Variants in TAFA1 observed in about 807,000 individuals in gnomAD.
The protein encoded by TAFA1 is TAFA chemokine like family member 1, also known as chemokine-like protein TAFA-1.
A neutral mutation model predicts 18.5 loss-of-function variants in TAFA1; 4 were observed. The ratio of observed to expected loss-of-function variants is 0.22; its 90% CI spans 0.11 to 0.49. TAFA1 has a LOEUF of 0.49. Among genes scored for constraint, TAFA1 ranks in the 20% least tolerant of loss-of-function variants. The pLI is 0.98. For synonymous variants in TAFA1, 56 were observed against 55.2 expected (o/e 1.01, Z -0.06); for missense variants, 147 against 169.0 (o/e 0.87, Z 0.72).
intron 3 of TAFA1, among the ~76,000 whole-genome samples, chr3:68,451,258 T>A (rs1465285116): frequency 6.6e-6 from 1 of 152,216 alleles, no homozygotes; most frequent in African/African-American, 2.4e-5. Flanking sequence ...CCTAGACAGT[T>A]CTTTTTGCCA....
intron 2 of TAFA1, among the ~76,000 whole-genome samples, chr3:68,112,890 A>G (rs1463536026): frequency 6.6e-6 from 1 of 151,926 alleles, no homozygotes; most frequent in Non-Finnish European, 1.5e-5. Flanking sequence ...AAAATGACAA[A>G]ACATTATTTA....
intron 3 of TAFA1, among the ~76,000 whole-genome samples, chr3:68,511,148 G>A (rs139181452): frequency 1.3e-5 from 2 of 152,184 alleles, no homozygotes; most frequent in East Asian, 3.9e-4. Context: ...TTTTGCAATC[G>A]TACTTTATTT....
At chr3:68,251,469 C>A (rs1218408276) in intron 2 of TAFA1, among the ~76,000 whole-genome samples, 2 of 152,058 alleles carry the variant, frequency 1.3e-5, no homozygotes, top group African/African-American at 4.8e-5. Flanking sequence ...CTAGACCAGG[C>A]AACAGCCTAG....
chr3:68,335,129 AC>A (rs1214904631), intron 2 of TAFA1, among the ~76,000 whole-genome samples: 1 of 152,196 alleles, frequency 6.6e-6, no homozygotes, highest in Non-Finnish European at 1.5e-5. Flanking sequence ...GGCTTTTGTT[AC>A]ATGCCTTTTA....
chr3:68,296,038 G>T (rs1255503314), intron 2 of TAFA1, among the ~76,000 whole-genome samples: 2 of 152,144 alleles, frequency 1.3e-5, no homozygotes, highest in Non-Finnish European at 2.9e-5. Flanking sequence ...AACAGATAAA[G>T]TTAATCTTCT....
At chr3:68,075,494 C>T (rs2064811460) in intron 2 of TAFA1, among the ~76,000 whole-genome samples, 1 of 152,150 alleles carries the variant, frequency 6.6e-6, no homozygotes, top group Admixed American at 6.6e-5. Flanking sequence ...TTTTAAACCC[C>T]AATGACTTTA....
intron 2 of TAFA1, among the ~76,000 whole-genome samples, chr3:68,098,255 CTG>C (rs2065110217): frequency 6.8e-6 from 1 of 147,900 alleles, no homozygotes; most frequent in Admixed American, 6.7e-5. Context: ...TAAGGTGTGA[CTG>C]TTTTTTTTTA....
chr3:68,255,673 AT>A (rs1012201453), intron 2 of TAFA1, among the ~76,000 whole-genome samples: 2 of 151,980 alleles, frequency 1.3e-5, no homozygotes, highest in African/African-American at 4.8e-5. Context: ...GTTTTTTTTA[AT>A]TTATTTGTTT....
At chr3:68,303,639 C>A (rs377218379) in intron 2 of TAFA1, among the ~76,000 whole-genome samples, 51 of 151,992 alleles carry the variant, frequency 3.4e-4, no homozygotes. Context: ...TTAGTAGAGA[C>A]GGGGTTTCAC....
At chr3:68,431,562 G>C (rs1043863915) in intron 3 of TAFA1, among the ~76,000 whole-genome samples, 2 of 151,978 alleles carry the variant, frequency 1.3e-5, no homozygotes, top group African/African-American at 4.8e-5. Flanking sequence ...ATAGCTACCA[G>C]GTTGGAGAGT....
chr3:68,104,175 A>C (rs368902883), intron 2 of TAFA1, among the ~76,000 whole-genome samples: 4 of 152,264 alleles, frequency 2.6e-5, no homozygotes, highest in African/African-American at 9.6e-5. Context: ...CTGGTCATTA[A>C]GAGGCAGAGG....
intron 3 of TAFA1, among the ~76,000 whole-genome samples, chr3:68,451,161 C>G (rs2071561197): frequency 6.6e-6 from 1 of 152,156 alleles, no homozygotes; most frequent in Non-Finnish European, 1.5e-5. Flanking sequence ...GGCTATGAAG[C>G]AGTCATTTTC....
chr3:68,370,744 T>C (rs977129888), intron 2 of TAFA1, among the ~76,000 whole-genome samples: 2 of 148,276 alleles, frequency 1.3e-5, no homozygotes, highest in South Asian at 2.1e-4. Context: ...GGAGAATGAC[T>C]GTTCTCTTTG....
rs747219770 is a variant in TAFA1 at position 68,332,159 on chromosome 3, G to A, written c.119-85121G>A. ...ATTACAGGTGTGAGCCACCGCGCCCGGCCAAGGATAGTCTTTTCAATAAAT... is the reference window on the plus strand; with the variant it reads ...ATTACAGGTGTGAGCCACCGCGCCCAGCCAAGGATAGTCTTTTCAATAAAT... On this transcript the variant is annotated intron_variant, in intron 2 of 4. Coordinates refer to ENST00000478136, the MANE Select transcript of TAFA1 (RefSeq NM_213609.4). 6.6e-5 allele frequency among the ~76,000 whole-genome samples: 10 copies of A among 151,688 alleles called. No homozygotes were observed. The South Asian group carries it at 1.3e-3, about 19-fold the overall frequency.
intron 2 of TAFA1, among the ~76,000 whole-genome samples, chr3:68,248,930 C>T (rs1180949479): frequency 2.6e-5 from 4 of 151,892 alleles, no homozygotes; most frequent in African/African-American, 9.7e-5. Flanking sequence ...GCCATGGGAC[C>T]ATTTCTGTAA....
At chr3:68,340,502 G>C (rs2069061978) in intron 2 of TAFA1, among the ~76,000 whole-genome samples, 1 of 152,200 alleles carries the variant, frequency 6.6e-6, no homozygotes, top group African/African-American at 2.4e-5. Flanking sequence ...GAATGAGACT[G>C]GGTAAAATTT....
chr3:67,993,305 ACT>A, the TAFA1 span, among the ~76,000 whole-genome samples: 3 of 151,980 alleles, frequency 2.0e-5, no homozygotes, highest in African/African-American at 4.8e-5. Flanking sequence ...AACGAAGGAG[ACT>A]CTTAAGTTTC....
intron 2 of TAFA1, among the ~76,000 whole-genome samples, chr3:68,371,871 G>A (rs1414883484): frequency 6.6e-6 from 1 of 152,206 alleles, no homozygotes; most frequent in African/African-American, 2.4e-5. Context: ...CTACTGGTCA[G>A]TGTCAGTACC....
At chr3:68,493,496 A>G (rs7653709) in intron 3 of TAFA1, among the ~76,000 whole-genome samples, 29,547 of 152,162 alleles carry the variant, frequency 0.19, 2,989 homozygotes, top group Non-Finnish European at 0.21. Context: ...TTGTTTGGAT[A>G]TATTCCCAGA....
Sources: allele counts gnomAD v4.1 joint callset (sites outside exome capture counted in the v4.1 genomes callset), GRCh38; gene constraint gnomAD v4.1.1; transcripts MANE v1.5; gene names NCBI Gene and HGNC (gene_info 2026-07-23, HGNC 2026-07-21).